DIAPH3: variants seen among roughly 807,000 people sequenced by gnomAD.
DIAPH3 encodes the protein protein diaphanous homolog 3.
DIAPH3 carries 117 observed loss-of-function variants against 144.3 expected under a neutral mutation model. The observed-to-expected ratio is 0.81, with a 90% confidence interval of 0.70 to 0.95. The LOEUF (loss-of-function observed/expected upper bound fraction) is 0.95. Ranked by LOEUF, DIAPH3 falls within the 40% of genes least tolerant of loss-of-function variation. The probability of loss-of-function intolerance (pLI) is 0.00; values close to 1 mark genes in which losing one functional copy is unlikely to be tolerated. For missense variants in DIAPH3, 1,421 were observed against 1,412.7 expected, an observed-to-expected ratio of 1.01 and a Z score of -0.09; for synonymous variants, 519 against 488.9, an observed-to-expected ratio of 1.06 and a Z score of -0.81.
chr13:59,856,969 A>G (rs1425880157), intron 22 of DIAPH3, among the ~76,000 whole-genome samples: 1 of 152,052 alleles, frequency 6.6e-6, no homozygotes, highest in Non-Finnish European at 1.5e-5. Flanking sequence ...ACCAAATAAT[A>G]TATCGTACAC....
chr13:60,066,207 C>T (rs922005666), intron 4 of DIAPH3, among the ~76,000 whole-genome samples: 7 of 151,954 alleles, frequency 4.6e-5, no homozygotes, highest in Non-Finnish European at 1.0e-4. Flanking sequence ...GTAATTCACA[C>T]TTGCATTAAT....
chr13:59,794,013 T>G (rs1420933226), intron 25 of DIAPH3, among the ~76,000 whole-genome samples: 1 of 152,184 alleles, frequency 6.6e-6, no homozygotes, highest in Non-Finnish European at 1.5e-5. Context: ...AAACTGTACT[T>G]GACTACCCAT....
intron 20 of DIAPH3, among the ~76,000 whole-genome samples, chr13:59,884,627 T>C (rs146131949): frequency 2.6e-5 from 4 of 152,258 alleles, no homozygotes; most frequent in Non-Finnish European, 4.4e-5. Context: ...TGTGATCTAA[T>C]ACATCACAGA....
intron 17 of DIAPH3, among the ~76,000 whole-genome samples, chr13:59,947,624 G>A (rs776857342): frequency 6.6e-6 from 1 of 151,986 alleles, no homozygotes; most frequent in Non-Finnish European, 1.5e-5. Flanking sequence ...CAGCTACTCA[G>A]GAGGCTGAGG....
chr13:59,819,322 G>A (rs1167004822), intron 24 of DIAPH3, among the ~76,000 whole-genome samples: 6 of 151,836 alleles, frequency 4.0e-5, no homozygotes, highest in Non-Finnish European at 8.8e-5. Flanking sequence ...TGTGCTTATT[G>A]TTCAGGTTTC....
At chr13:59,991,336 T>C (rs770959002) in intron 11 of DIAPH3, 62 bp from the exon 12 acceptor site, 17 of 1,149,808 alleles carry the variant, frequency 1.5e-5, no homozygotes, top group Non-Finnish European at 2.0e-5. Context: ...TATAATAATA[T>C]GACAGAATTT....
rs1315235873 is a variant in DIAPH3 at position 59,985,620 on chromosome 13, C to A, written c.1362-1733G>T. On this transcript the variant is annotated intron_variant, in intron 12 of 27. Coordinates refer to ENST00000400324, the MANE Select transcript of DIAPH3 (RefSeq NM_001042517.2). ...TCCTTAAGCTGATAAGCAACTTCAG[C>A]AAAGTCTCAGGATACAAAATCAATG... is the stretch of plus-strand genomic sequence containing the variant. Among the ~76,000 whole-genome samples the A allele has an allele frequency of 2.8e-4, 16 of 57,238 alleles. 2 individuals carry two copies. The highest frequency in any genetic ancestry group is 1.8e-4 in the Non-Finnish European group (5 of 28,482). 37.6% of individuals were successfully genotyped at this position (57,238 alleles called of 152,430 possible).
intron 2 of DIAPH3, among the ~76,000 whole-genome samples, chr13:60,122,008 T>C (rs1204109500): frequency 1.3e-5 from 2 of 152,114 alleles, no homozygotes; most frequent in Non-Finnish European, 2.9e-5. Flanking sequence ...AGCAATTCTC[T>C]ACCCCAACAT....
At chr13:60,087,385 C>T (rs74655481) in intron 4 of DIAPH3, among the ~76,000 whole-genome samples, 5,573 of 152,182 alleles carry the variant, frequency 0.037, 136 homozygotes, top group East Asian at 0.075. Flanking sequence ...ATGACAAGAC[C>T]TTTCAAAATA....
chr13:60,114,642 G>GACAC (rs34572381), intron 2 of DIAPH3, among the ~76,000 whole-genome samples: 2,454 of 148,066 alleles, frequency 0.017, 46 homozygotes, highest in African/African-American at 0.045. Context: ...GAATACAAAA[G>GACAC]ACACACACAC....
At chr13:60,007,045 C>G (rs1383667847) in intron 9 of DIAPH3, among the ~76,000 whole-genome samples, 2 of 151,978 alleles carry the variant, frequency 1.3e-5, no homozygotes, top group Non-Finnish European at 2.9e-5. Context: ...CAGCTCCTAT[C>G]ATATTCTCAT....
intron 11 of DIAPH3, 37 bp downstream of exon 11, chr13:59,992,031 A>G (rs753455427): frequency 6.5e-7 from 1 of 1,530,546 alleles, no homozygotes; most frequent in South Asian, 1.1e-5. Flanking sequence ...CAATAATTTT[A>G]TATATGATTT....
chr13:60,093,693 G>A lies in DIAPH3; in HGVS notation c.430C>T (p.Arg144Trp), dbSNP rs754956464. 42 of 1,612,518 alleles carry A rather than the reference G, an allele frequency of 2.6e-5. No individual in the cohort carries two copies. Among genetic ancestry groups the A allele is most frequent in the Middle Eastern group, 1.8e-4 (1 of 5,688 alleles). The change falls in exon 4 of 28, where the codon CGG (arginine) becomes TGG (tryptophan). Residue 144 changes from arginine (R) to tryptophan (W), a missense_variant. By Grantham distance (101) the Arg-to-Trp change is moderately radical. Transcript: ENST00000400324. ...TTTTTGATACTGAAGTCCTTTTCCC[G>A]CAATGGTGCCTTTTTATCTTCATTT... ...NLNEDKKAPL[R>W]EKDFSIKKEM... is the part of the protein sequence containing the mutation.
intron 1 of DIAPH3, among the ~76,000 whole-genome samples, chr13:60,157,734 T>C (rs1009178763): frequency 2.0e-5 from 3 of 152,192 alleles, no homozygotes; most frequent in African/African-American, 7.2e-5. Flanking sequence ...TGAGAAGTAT[T>C]GCTTTTTGTG....
chr13:59,666,738 T>C lies in DIAPH3; in HGVS notation c.3428A>G (p.His1143Arg), dbSNP rs775429843. ...AKELNYNLDT[H>R]TSTGRIKAAE... The stretch of plus-strand genomic sequence containing the variant: ...TGCCTTGATCCTCCCAGTAGACGTA[T>C]GAGTGTCTAGATTATAATTAAGCTC... Residue 1143 changes from histidine to arginine, a missense_variant, in exon 28 of 28, where the codon CAT becomes CGT. Physicochemically the swap from His to Arg is conservative, Grantham distance 29. Coordinates refer to ENST00000400324, the MANE Select transcript of DIAPH3 (RefSeq NM_001042517.2). 5 of 1,614,040 alleles carry C rather than the reference T, an allele frequency of 3.1e-6. No individual in the cohort carries two copies. The highest frequency in any genetic ancestry group is 4.2e-6 in the Non-Finnish European group (5 of 1,180,012).
At position 59,983,934 on chromosome 13, in the gene DIAPH3, C is replaced by T. The variant is rs1337846043; in HGVS notation, c.1362-47G>A. The T allele has an allele frequency of 3.9e-6, 5 of 1,297,000 alleles. No homozygotes were observed. In the Admixed American group the frequency reaches 8.8e-5, roughly 23 times the overall value. 80.3% of individuals were successfully genotyped at this position (1,297,000 alleles called of 1,614,324 possible). ...AATGTACAATTGATAATTAGTGTAA[C>T]TTTACATCAAAACAAAACTTTTTGG... On this transcript the variant is annotated intron_variant, in intron 12 of 27. Coordinates refer to ENST00000400324, the MANE Select transcript of DIAPH3 (RefSeq NM_001042517.2).
intron 4 of DIAPH3, among the ~76,000 whole-genome samples, chr13:60,064,986 A>G (rs553206306): frequency 1.3e-5 from 2 of 152,304 alleles, no homozygotes; most frequent in African/African-American, 4.8e-5. Flanking sequence ...GAGCTGGTCA[A>G]TGGAGCAGTC....
chr13:59,871,466 C>T, intron 21 of DIAPH3, among the ~76,000 whole-genome samples: 1 of 152,046 alleles, frequency 6.6e-6, no homozygotes, highest in Admixed American at 6.6e-5. Flanking sequence ...GAGGAAGTTC[C>T]CCTCTACCCC....
chr13:59,809,609 C>A (rs2040371150), intron 25 of DIAPH3, among the ~76,000 whole-genome samples: 1 of 151,582 alleles, frequency 6.6e-6, no homozygotes, highest in Non-Finnish European at 1.5e-5. Context: ...AAAATAAATA[C>A]TAAATCTTTC....
Sources: gnomAD v4.1 joint callset for allele counts (sites outside exome capture counted in the v4.1 genomes callset) on GRCh38, gnomAD v4.1.1 for gene constraint, MANE v1.5 for transcripts, NCBI Gene and HGNC (gene_info 2026-07-23, HGNC 2026-07-21) for gene names.